The following PHF8 variants were observed in gnomAD, a reference collection of about 807,000 sequenced individuals.
PHF8 encodes PHD finger protein 8, also known as histone lysine demethylase PHF8.
In PHF8, 9 loss-of-function variants were observed where a neutral mutation model predicts 74.4. That is an observed-to-expected ratio of 0.12 (90% CI 0.07 to 0.21). The LOEUF (loss-of-function observed/expected upper bound fraction) is 0.21. PHF8 is among the 10% of genes least tolerant of loss of function. The pLI is 1.00. For missense variants in PHF8, 478 were observed against 816.6 expected (o/e 0.59, Z 5.05); for synonymous variants, 311 against 316.6 (o/e 0.98, Z 0.19).
intron 19 of PHF8, among the ~76,000 whole-genome samples, chrX:53,960,122 C>A (rs1206604360): frequency 3.7e-5 from 4 of 108,854 alleles, no homozygotes; most frequent in Non-Finnish European, 5.7e-5. Flanking sequence ...GTCACCCAGG[C>A]TGGAGTGTAG....
At chrX:53,995,158 T>C (rs1231670963) in intron 12 of PHF8, 2 of 342,588 alleles carry the variant, frequency 5.8e-6, no homozygotes, top group South Asian at 2.6e-5. Context: ...TCGTGGTATA[T>C]GCCACCTGTT....
chrX:54,034,520 C>CT (rs2066415818), intron 2 of PHF8, among the ~76,000 whole-genome samples: 2 of 111,638 alleles, frequency 1.8e-5, no homozygotes, highest in South Asian at 7.4e-4. Context: ...GTTGCCAACA[C>CT]TTATCCTAAA....
rs782222402 is a variant in PHF8 at position 54,028,761 on chromosome X, C to A, written c.99-5918G>T. Among the ~76,000 whole-genome samples, 5 of 112,262 alleles carry A rather than the reference C, an allele frequency of 4.5e-5. No individual in the cohort carries two copies. The South Asian group carries it at 1.9e-3, about 42-fold the overall frequency. On this transcript the variant is annotated intron_variant, in intron 2 of 21. Coordinates refer to ENST00000338154, the MANE Select transcript of PHF8 (RefSeq NM_015107.3). ...CCTCACCAGGCATTCAAGCCAGAAA[C>A]CTGGCAGCCATCACTGATTCACCTC...
intron 18 of PHF8, among the ~76,000 whole-genome samples, chrX:53,971,407 T>TA (rs1388427087): frequency 8.1e-5 from 9 of 110,576 alleles, no homozygotes; most frequent in Non-Finnish European, 1.5e-4. Flanking sequence ...AATTCACAAC[T>TA]AAAAGAACTA....
intron 18 of PHF8, among the ~76,000 whole-genome samples, chrX:53,975,720 G>A (rs1665676574): frequency 8.9e-6 from 1 of 111,738 alleles, no homozygotes; most frequent in Non-Finnish European, 1.9e-5. Context: ...CAGAGGCTGG[G>A]AAAGGAAGCG....
intron 18 of PHF8, 41 bp from the exon 19 acceptor site, chrX:53,962,980 C>G (rs1199117785): frequency 4.8e-6 from 4 of 837,207 alleles, no homozygotes; most frequent in Non-Finnish European, 7.2e-6. Flanking sequence ...GAGATTTCAT[C>G]CAAAGGGTGA....
At chrX:53,998,196 G>A (rs1269754873) in intron 11 of PHF8, among the ~76,000 whole-genome samples, 9 of 112,239 alleles carry the variant, frequency 8.0e-5, no homozygotes, top group African/African-American at 2.9e-4. Flanking sequence ...GCTCATGCCT[G>A]TAATCCCAGC....
chrX:53,939,635 A>G (rs1446394176), intron 21 of PHF8, among the ~76,000 whole-genome samples: 2 of 110,911 alleles, frequency 1.8e-5, no homozygotes, highest in Non-Finnish European at 3.8e-5. Context: ...TGAAGTTGCC[A>G]TCCCTAGGGC....
chrX:53,954,871 T>C (rs2064991208), intron 19 of PHF8, among the ~76,000 whole-genome samples: 1 of 111,518 alleles, frequency 9.0e-6, no homozygotes, highest in Non-Finnish European at 1.9e-5. Flanking sequence ...TAGAATGAAT[T>C]CCCCACAAAA....
chrX:54,043,149 A>T (rs1004426951), intron 1 of PHF8: 1 of 807,321 alleles, frequency 1.2e-6, no homozygotes, highest in Non-Finnish European at 1.5e-6. Flanking sequence ...TCTCTCACTG[A>T]ACCCTCCCCT....
rs1343611691 is a variant in PHF8 at position 53,987,291 on chromosome X, A to T, written c.1910-128T>A. The T allele has an allele frequency of 1.0e-5, 5 of 487,441 alleles. No individual in the cohort carries two copies. The East Asian group carries it at 1.8e-4, about 18-fold the overall frequency. The allele number at this position is 487,441 out of a possible 1,213,427, so 40.2% of individuals were successfully genotyped here. On this transcript the variant is annotated intron_variant, in intron 15 of 21. Coordinates refer to ENST00000338154, the MANE Select transcript of PHF8 (RefSeq NM_015107.3). ...CAGATGACTAATTTAGAGGTTAGGG[A>T]TCAGGTGATAAATAAATCTTTAGAA...
chrX:53,961,486 C>A (rs2065105044), intron 19 of PHF8, among the ~76,000 whole-genome samples: 1 of 110,797 alleles, frequency 9.0e-6, no homozygotes, highest in African/African-American at 3.3e-5. Flanking sequence ...CGCCACCATT[C>A]CCGGCTGATT....
chrX:54,001,480 C>G (rs1329300635), intron 10 of PHF8, among the ~76,000 whole-genome samples: 1 of 110,897 alleles, frequency 9.0e-6, no homozygotes, highest in African/African-American at 3.3e-5. Context: ...GCACTCCAGC[C>G]TGGGTGACAA....
chrX:53,961,339 T>C (rs1043649760), intron 19 of PHF8, among the ~76,000 whole-genome samples: 3 of 108,642 alleles, frequency 2.8e-5, no homozygotes. Flanking sequence ...TTTTTTTTTT[T>C]TCCCCGAGAC....
chrX:53,963,136 C>T (rs1172699830), intron 18 of PHF8, among the ~76,000 whole-genome samples, 197 bp from the exon 19 acceptor site: 4 of 112,056 alleles, frequency 3.6e-5, no homozygotes, highest in African/African-American at 1.3e-4. Context: ...ATGTCCTTCT[C>T]CTAGATTCAC....
At chrX:53,970,587 T>C (rs2065277238) in intron 18 of PHF8, among the ~76,000 whole-genome samples, 1 of 111,664 alleles carries the variant, frequency 9.0e-6, no homozygotes, top group Non-Finnish European at 1.9e-5. Context: ...ATCAGTATGC[T>C]GTCTTCAGGA....
rs185277529 is a variant in PHF8 at position 53,976,252 on chromosome X, C to T, written c.2443+8662G>A. Among the ~76,000 whole-genome samples the T allele has an allele frequency of 7.3e-5, 8 of 109,326 alleles. No individual in the cohort carries two copies. In the East Asian group the frequency reaches 1.1e-3, roughly 16 times the overall value. 94.9% of individuals were successfully genotyped at this position (109,326 alleles called of 115,157 possible). ...CCTGGGAGGTGGAGGTTGGAGCGAG[C>T]GGAGACTGCGCCACAGCACTCCAGC... On this transcript the variant is annotated intron_variant, in intron 18 of 21. Coordinates refer to ENST00000338154, the MANE Select transcript of PHF8 (RefSeq NM_015107.3).
intron 2 of PHF8, among the ~76,000 whole-genome samples, chrX:54,025,682 C>T (rs2066255394): frequency 9.0e-6 from 1 of 111,426 alleles, no homozygotes; most frequent in African/African-American, 3.3e-5. Context: ...CTCTCATGAC[C>T]ATCCCCCAGA....
chrX:53,953,368 C>G (rs782022595), intron 19 of PHF8, among the ~76,000 whole-genome samples: 1 of 108,189 alleles, frequency 9.2e-6, no homozygotes, highest in East Asian at 2.9e-4. Flanking sequence ...GGGCTGGGCA[C>G]GGTGGCTCAT....
Sources: allele counts gnomAD v4.1 joint callset (sites outside exome capture counted in the v4.1 genomes callset), GRCh38; gene constraint gnomAD v4.1.1; transcripts MANE v1.5; gene names NCBI Gene and HGNC (gene_info 2026-07-23, HGNC 2026-07-21).